SIPA1L1: variants seen among roughly 807,000 people sequenced by gnomAD.
SIPA1L1 encodes signal-induced proliferation-associated 1-like protein 1.
A neutral mutation model predicts 162.7 loss-of-function variants in SIPA1L1; 26 were observed. The observed-to-expected ratio is 0.16, with a 90% CI of 0.12 to 0.22. The LOEUF is 0.22. SIPA1L1 is among the 10% of genes least tolerant of loss of function. The probability of loss-of-function intolerance (pLI) is 1.00; values close to 1 mark genes in which losing one functional copy is unlikely to be tolerated. For missense variants in SIPA1L1, 1,874 were observed against 2,241.0 expected (o/e 0.84, Z 3.31); for synonymous variants, 829 against 837.4 (o/e 0.99, Z 0.17).
chr14:71,661,841 T>G (rs1012503901), intron 10 of SIPA1L1, among the ~76,000 whole-genome samples: 2 of 152,224 alleles, frequency 1.3e-5, no homozygotes, highest in Non-Finnish European at 2.9e-5. Context: ...TTGAAAAGCA[T>G]TGTTATTAAA....
intron 2 of SIPA1L1, among the ~76,000 whole-genome samples, chr14:71,493,072 C>T (rs1256871115): frequency 6.6e-6 from 1 of 152,020 alleles, no homozygotes; most frequent in Non-Finnish European, 1.5e-5. Flanking sequence ...CCCTTTATCC[C>T]TCCCCCAAAA....
rs115472814 is a variant in SIPA1L1 at position 71,517,069 on chromosome 14, A to G, written c.-362+4224A>G. 4.9e-3 allele frequency among the ~76,000 whole-genome samples: 711 copies of G among 146,502 alleles called. 5 individuals carry two copies. The highest frequency in any genetic ancestry group is 0.016 in the African/African-American group (671 of 41,336). On this transcript the variant is annotated intron_variant, in intron 3 of 23. Transcript: ENST00000381232. ...AGTTTTAATTGAAGTTTGGGAATGT[A>G]AGTACCTTCTTATAAATAAAAATGA...
intron 2 of SIPA1L1, among the ~76,000 whole-genome samples, chr14:71,470,500 A>G (rs1454564532): frequency 1.3e-5 from 2 of 152,100 alleles, no homozygotes; most frequent in East Asian, 3.9e-4. Context: ...AAATATACAT[A>G]TCTAATGTTA....
chr14:71,458,660 T>A (rs1431605521), intron 2 of SIPA1L1, among the ~76,000 whole-genome samples: 1 of 152,200 alleles, frequency 6.6e-6, no homozygotes, highest in Admixed American at 6.5e-5. Context: ...AGATGTATTA[T>A]GGGGCTTTAC....
intron 4 of SIPA1L1, among the ~76,000 whole-genome samples, chr14:71,566,040 G>T (rs1249746832): frequency 2.6e-5 from 4 of 151,904 alleles, no homozygotes; most frequent in Non-Finnish European, 5.9e-5. Context: ...TGACATGAGT[G>T]TCTAACTAGG....
chr14:71,527,987 A>C (rs559902071), intron 3 of SIPA1L1, among the ~76,000 whole-genome samples: 122 of 152,290 alleles, frequency 8.0e-4, no homozygotes, highest in African/African-American at 2.9e-3. Flanking sequence ...TCCCAGGTTC[A>C]AGCGATTTTC....
At chr14:71,717,964 G>T (rs1308579904) in intron 17 of SIPA1L1, among the ~76,000 whole-genome samples, 1 of 152,214 alleles carries the variant, frequency 6.6e-6, no homozygotes, top group Non-Finnish European at 1.5e-5. Flanking sequence ...GCCATGTTCT[G>T]TGGCTTGAGA....
chr14:71,433,942 A>G (rs938298736), intron 2 of SIPA1L1, among the ~76,000 whole-genome samples: 1 of 152,222 alleles, frequency 6.6e-6, no homozygotes, highest in Non-Finnish European at 1.5e-5. Flanking sequence ...AAGGTAGTAT[A>G]TTTAAAATGC....
rs190716548 is a variant in SIPA1L1, at chr14:71,360,234, C to T, written c.-465+39053C>T. 1.6e-3 allele frequency among the ~76,000 whole-genome samples: 249 copies of T among 152,192 alleles called. 1 individual carries two copies. The highest frequency in any genetic ancestry group is 5.3e-3 in the African/African-American group (218 of 41,516). ...GGTAGTCTTCTATTGAGTTCTAGGGCGTAAGGTAGTTTATGAATGGTTATT... is the reference window on the plus strand; with the variant it reads ...GGTAGTCTTCTATTGAGTTCTAGGGTGTAAGGTAGTTTATGAATGGTTATT... On this transcript the variant is annotated intron_variant, in intron 2 of 23. Coordinates refer to ENST00000381232, the MANE Select transcript of SIPA1L1 (RefSeq NM_001386936.1).
intron 8 of SIPA1L1, among the ~76,000 whole-genome samples, chr14:71,654,784 C>A (rs1596678411): frequency 6.6e-6 from 1 of 152,116 alleles, no homozygotes; most frequent in East Asian, 1.9e-4. Flanking sequence ...CTTCTACAAG[C>A]ACATTGTCCC....
chr14:71,501,043 G>A (rs912802369), intron 2 of SIPA1L1, among the ~76,000 whole-genome samples: 1 of 152,134 alleles, frequency 6.6e-6, no homozygotes, highest in Non-Finnish European at 1.5e-5. Context: ...AAAAGGTGCC[G>A]AGTGCAGCGG....
rs182135501 is a variant in SIPA1L1, at chr14:71,363,347, G to A, written c.-465+42166G>A. The stretch of plus-strand genomic sequence containing the variant: ...ATTTAGAAATGAGTTTTCCCTAGGA[G>A]GAAAGGGAACTATGCCAAACAAAGA... On this transcript the variant is annotated intron_variant, in intron 2 of 23. Coordinates refer to ENST00000381232, the MANE Select transcript of SIPA1L1 (RefSeq NM_001386936.1). Among the ~76,000 whole-genome samples the A allele has an allele frequency of 7.9e-5, 12 of 152,266 alleles. No individual in the cohort carries two copies. The East Asian group carries it at 2.3e-3, about 29-fold the overall frequency.
rs200463823 is a variant in SIPA1L1 at position 71,590,021 on chromosome 14, T to TA, written c.1498+675dup. Among the ~76,000 whole-genome samples, 254 of 85,106 alleles carry TA rather than the reference T, an allele frequency of 3.0e-3. 4 individuals carry two copies. The highest frequency in any genetic ancestry group is 9.4e-3 in the Middle Eastern group (1 of 106). 55.8% of individuals were successfully genotyped at this position (85,106 alleles called of 152,430 possible). ...CTAATCTTTTCTTTGAGTGGGAGAGTAAAAAAAAAAAAAAAAAAAAAAAAT... is the reference window on the plus strand; with the variant it reads ...CTAATCTTTTCTTTGAGTGGGAGAGTAAAAAAAAAAAAAAAAAAAAAAAAAT... On this transcript the variant is annotated intron_variant, in intron 5 of 23. Coordinates refer to ENST00000381232, the MANE Select transcript of SIPA1L1 (RefSeq NM_001386936.1).
intron 5 of SIPA1L1, among the ~76,000 whole-genome samples, chr14:71,613,458 G>A (rs2038455668): frequency 1.3e-5 from 2 of 151,660 alleles, no homozygotes; most frequent in Non-Finnish European, 2.9e-5. Flanking sequence ...GGTGATTGCT[G>A]TATTGGTTTT....
intron 2 of SIPA1L1, among the ~76,000 whole-genome samples, chr14:71,509,041 G>T (rs978551464): frequency 2.6e-5 from 4 of 152,158 alleles, no homozygotes; most frequent in Admixed American, 2.6e-4. Flanking sequence ...CCCAGAATCG[G>T]CTGACATGGT....
chr14:71,443,329 AT>A (rs2045064875), intron 2 of SIPA1L1, among the ~76,000 whole-genome samples: 1 of 152,100 alleles, frequency 6.6e-6, no homozygotes, highest in African/African-American at 2.4e-5. Flanking sequence ...TGCTGATCAT[AT>A]TTTTTATAAA....
intron 2 of SIPA1L1, among the ~76,000 whole-genome samples, chr14:71,460,748 C>A (rs1250779557): frequency 6.6e-6 from 1 of 152,270 alleles, no homozygotes; most frequent in Admixed American, 6.5e-5. Flanking sequence ...TCCACTTCCA[C>A]CCCTTGATTC....
intron 10 of SIPA1L1, among the ~76,000 whole-genome samples, chr14:71,665,360 C>CT (rs1596762528): frequency 6.6e-6 from 1 of 152,140 alleles, no homozygotes; most frequent in African/African-American, 2.4e-5. Context: ...CTAATTCAGA[C>CT]TAATTCCAGA....
chr14:71,408,888 C>A (rs954626238), intron 2 of SIPA1L1, among the ~76,000 whole-genome samples: 5 of 152,138 alleles, frequency 3.3e-5, no homozygotes, highest in South Asian at 2.1e-4. Context: ...TGACCACAGG[C>A]AGTGGGCTTA....
Sources: allele counts gnomAD v4.1 joint callset (sites outside exome capture counted in the v4.1 genomes callset), GRCh38; gene constraint gnomAD v4.1.1; transcripts MANE v1.5; gene names NCBI Gene and HGNC (gene_info 2026-07-23, HGNC 2026-07-21).